Variants in CLEC9A observed in about 807,000 individuals in gnomAD.
CLEC9A encodes the protein C-type lectin domain containing 9A.
In CLEC9A, 24 loss-of-function variants were observed where a neutral mutation model predicts 30.0. The observed-to-expected ratio is 0.80, with a 90% CI of 0.58 to 1.13. The LOEUF (loss-of-function observed/expected upper bound fraction) is 1.13, where lower values mean the gene tolerates loss of function less well. Ranked by LOEUF, CLEC9A falls within the 50% of genes most tolerant of loss-of-function variation. The pLI is 0.00. For missense variants in CLEC9A, 251 were observed against 280.9 expected (o/e 0.89, Z 0.76); for synonymous variants, 111 against 96.8 (o/e 1.15, Z -0.86).
chr12:10,061,074 A>G (rs1024147339), intron 5 of CLEC9A, 53 bp from the exon 6 acceptor site: 52 of 1,585,720 alleles, frequency 3.3e-5, no homozygotes, highest in Non-Finnish European at 4.3e-5. Context: ...TTGAAGGATT[A>G]TTTTGCTATA....
chr12:10,054,367 T>A lies in CLEC9A; in HGVS notation c.172+16T>A. 6.5e-7 allele frequency: 1 copy of A among 1,538,140 alleles called. No homozygotes were observed. Among genetic ancestry groups the A allele is most frequent in the Non-Finnish European group, 9.0e-7 (1 of 1,116,862 alleles). On this transcript the variant is annotated intron_variant, in intron 5 of 8. Transcript: ENST00000355819. ...GGCGTCAAGTGTAAGTACTAAAAGA[T>A]ATTTTCAAAATATGTATATCGTTAT...
chr12:10,055,862 G>A (rs1367393584), intron 5 of CLEC9A, among the ~76,000 whole-genome samples: 2 of 151,802 alleles, frequency 1.3e-5, no homozygotes, highest in East Asian at 3.9e-4. Flanking sequence ...TTCAAGACCA[G>A]TCTGGCCAAC....
intron 1 of CLEC9A, among the ~76,000 whole-genome samples, chr12:10,039,744 T>C (rs1865774847): frequency 6.6e-6 from 1 of 152,248 alleles, no homozygotes; most frequent in African/African-American, 2.4e-5. Context: ...TGATTTTTCA[T>C]GAGATATTTT....
At chr12:10,064,384 A>G (rs1182623731) in intron 7 of CLEC9A, among the ~76,000 whole-genome samples, 3 of 152,188 alleles carry the variant, frequency 2.0e-5, no homozygotes, top group Non-Finnish European at 4.4e-5. Context: ...GAGAAAGACT[A>G]TTCTATGTGG....
At chr12:10,036,786 A>G (rs1865747357) in intron 1 of CLEC9A, among the ~76,000 whole-genome samples, 1 of 152,240 alleles carries the variant, frequency 6.6e-6, no homozygotes, top group Admixed American at 6.5e-5. Context: ...AGATGCTACT[A>G]GGTACTACTT....
chr12:10,064,309 G>A (rs1239135268), intron 7 of CLEC9A, among the ~76,000 whole-genome samples: 5 of 152,134 alleles, frequency 3.3e-5, no homozygotes, highest in South Asian at 2.1e-4. Context: ...TCTTCTAACC[G>A]AACGTGCTCA....
intron 2 of CLEC9A, among the ~76,000 whole-genome samples, chr12:10,047,783 C>G (rs1455170086): frequency 1.3e-5 from 2 of 152,192 alleles, no homozygotes; most frequent in Admixed American, 1.3e-4. Flanking sequence ...AAACACAATA[C>G]TGTATTGCTA....
At chr12:10,059,140 A>G (rs1417610499) in intron 5 of CLEC9A, among the ~76,000 whole-genome samples, 3 of 152,236 alleles carry the variant, frequency 2.0e-5, no homozygotes, top group Admixed American at 2.0e-4. Context: ...AACCAATTAT[A>G]TAACTGAGTA....
At chr12:10,032,389 CTTT>C (rs10647036) in intron 1 of CLEC9A, among the ~76,000 whole-genome samples, 1 of 117,248 alleles carries the variant, frequency 8.5e-6, no homozygotes. Flanking sequence ...TTAGGGATTT[CTTT>C]TTTTTTTTTT....
Position 10,056,705 on chromosome 12 carries a change from C to T in CLEC9A, c.172+2354C>T, listed in dbSNP as rs375285953. On this transcript the variant is annotated intron_variant, in intron 5 of 8. Coordinates refer to ENST00000355819, the MANE Select transcript of CLEC9A (RefSeq NM_207345.4). ...AAAATATATTTCAATGTTTACTTTT[C>T]GGATTTTTTTAAATGTTTTAATCCT... Among the ~76,000 whole-genome samples, 167 of 151,934 alleles carry T rather than the reference C, an allele frequency of 1.1e-3. 1 individual carries two copies. Among genetic ancestry groups the T allele is most frequent in the African/African-American group, 3.7e-3 (155 of 41,452 alleles).
chr12:10,048,381 A>G (rs891516483), intron 2 of CLEC9A, among the ~76,000 whole-genome samples: 3 of 152,012 alleles, frequency 2.0e-5, no homozygotes, highest in African/African-American at 2.4e-5. Flanking sequence ...AAAAAAAAAA[A>G]AAGACAACAG....
At chr12:10,057,590 T>C (rs962374750) in intron 5 of CLEC9A, among the ~76,000 whole-genome samples, 1 of 151,924 alleles carries the variant, frequency 6.6e-6, no homozygotes, top group Admixed American at 6.5e-5. Context: ...GTTTTGGGAA[T>C]ATGGTTATGC....
At chr12:10,064,544 T>C (rs1816688956) in intron 7 of CLEC9A, among the ~76,000 whole-genome samples, 188 bp from the exon 8 acceptor site, 1 of 152,218 alleles carries the variant, frequency 6.6e-6, no homozygotes, top group South Asian at 2.1e-4. Context: ...TAACACCACA[T>C]GGATCCATAC....
At chr12:10,043,634 G>GTGTGTC (rs1865817503) in intron 2 of CLEC9A, among the ~76,000 whole-genome samples, 1 of 150,224 alleles carries the variant, frequency 6.7e-6, no homozygotes, top group Non-Finnish European at 1.5e-5. Context: ...GTGTGTGTGT[G>GTGTGTC]TGTCTTTAAA....
intron 1 of CLEC9A, among the ~76,000 whole-genome samples, chr12:10,033,801 G>T (rs984778269): frequency 6.6e-6 from 1 of 151,948 alleles, no homozygotes. Flanking sequence ...TGTTTCAGAG[G>T]ACACTTTTAA....
chr12:10,057,014 T>A lies in CLEC9A; in HGVS notation c.172+2663T>A, dbSNP rs115337643. ...CTATTAATTTTTATTGTTGTTGTTT[T>A]TAAATTTATAATTTGCCTAGGTCTT... On this transcript the variant is annotated intron_variant, in intron 5 of 8. Transcript: ENST00000355819. 6.2e-3 allele frequency among the ~76,000 whole-genome samples: 951 copies of A among 152,230 alleles called. 5 individuals carry two copies. The highest frequency in any genetic ancestry group is 0.021 in the African/African-American group (860 of 41,582).
chr12:10,064,712 G>A lies in CLEC9A; in HGVS notation c.472-20G>A, dbSNP rs781751602. ...GTTTGTTTGTTTTTCTCATTTCACA[G>A]TTCAATTTTTGTCTCATAGGATTTT... is the stretch of plus-strand genomic sequence containing the variant. On this transcript the variant is annotated intron_variant, in intron 7 of 8. Coordinates refer to ENST00000355819, the MANE Select transcript of CLEC9A (RefSeq NM_207345.4). 4.0e-6 allele frequency: 6 copies of A among 1,490,376 alleles called. No individual in the cohort carries two copies. The highest frequency in any genetic ancestry group is 4.5e-5 in the Admixed American group (2 of 44,282). The allele number at this position is 1,490,376 out of a possible 1,614,324, so 92.3% of individuals were successfully genotyped here.
At chr12:10,047,768 T>C (rs1310409341) in intron 2 of CLEC9A, among the ~76,000 whole-genome samples, 1 of 152,234 alleles carries the variant, frequency 6.6e-6, no homozygotes, top group Non-Finnish European at 1.5e-5. Context: ...CATACTTTAA[T>C]TTAAAAACAC....
intron 5 of CLEC9A, chr12:10,060,608 G>A (rs1368918870): frequency 6.5e-6 from 1 of 154,920 alleles, no homozygotes; most frequent in Non-Finnish European, 1.4e-5. Flanking sequence ...CCTGATGGTA[G>A]TGGAGGAGCC....
Sources: gnomAD v4.1 joint callset for allele counts (sites outside exome capture counted in the v4.1 genomes callset) on GRCh38, gnomAD v4.1.1 for gene constraint, MANE v1.5 for transcripts, NCBI Gene and HGNC (gene_info 2026-07-23, HGNC 2026-07-21) for gene names.